Variants in AGAP1 observed in about 807,000 individuals in gnomAD.
The protein encoded by AGAP1 is arf-GAP with GTPase, ANK repeat and PH domain-containing protein 1.
In AGAP1, 29 loss-of-function variants were observed where a neutral mutation model predicts 105.3. That is an observed-to-expected ratio of 0.28 (90% CI 0.21 to 0.38). The LOEUF is 0.38. Ranked by LOEUF, AGAP1 falls within the 10% of genes least tolerant of loss-of-function variation. AGAP1 has a pLI of 1.00. For missense variants in AGAP1, 998 were observed against 1,165.1 expected (o/e 0.86, Z 2.09); for synonymous variants, 509 against 485.9 (o/e 1.05, Z -0.63).
rs1488172715 is a variant in AGAP1 at position 235,586,632 on chromosome 2, C to T, written c.163+91783C>T. 6.6e-6 allele frequency among the ~76,000 whole-genome samples: 1 copy of T among 152,162 alleles called. No homozygotes were observed. Among genetic ancestry groups the T allele is most frequent in the Non-Finnish European group, 1.5e-5 (1 of 68,036 alleles). Reference sequence around the variant, plus strand: ...TGATAATCCACACACTGTCCTGGGCCTTGGTTTTGCAGCATTTCCAACTTG... The same window carrying T: ...TGATAATCCACACACTGTCCTGGGCTTTGGTTTTGCAGCATTTCCAACTTG... On this transcript the variant is annotated intron_variant, in intron 1 of 17. Coordinates refer to ENST00000304032, the MANE Select transcript of AGAP1 (RefSeq NM_001037131.3). This position sits in a 1 kb window ranked among gnomAD's most constrained non-coding sequence, Gnocchi z 4.2.
chr2:235,663,755 GA>G lies in AGAP1; in HGVS notation c.164-45422del, dbSNP rs1553600723. Among the ~76,000 whole-genome samples, 1 of 152,124 alleles carries G rather than the reference GA, an allele frequency of 6.6e-6. No individual in the cohort carries two copies. Among genetic ancestry groups the G allele is most frequent in the Non-Finnish European group, 1.5e-5 (1 of 68,038 alleles). On this transcript the variant is annotated intron_variant, in intron 1 of 17. Coordinates refer to ENST00000304032, the MANE Select transcript of AGAP1 (RefSeq NM_001037131.3). The surrounding 1 kb of genome is among the most constrained non-coding windows in gnomAD (Gnocchi z 5.4). ...TTCCTACTCCAGGAAGCTCTTAGGA[GA>G]ATCCAAATCCGACTTCCCTGTGCTT...
intron 6 of AGAP1, among the ~76,000 whole-genome samples, chr2:235,764,502 C>T (rs1417861416): frequency 6.6e-6 from 1 of 152,220 alleles, no homozygotes; most frequent in Admixed American, 6.5e-5. Flanking sequence ...ATCTGTTATT[C>T]CATGTTTGAA....
rs140131528 is a variant in AGAP1 at position 236,105,718 on chromosome 2, C to T, written c.2115-14474C>T. Among the ~76,000 whole-genome samples, 689 of 150,066 alleles carry T rather than the reference C, an allele frequency of 4.6e-3. 6 individuals are homozygous for T. The highest frequency in any genetic ancestry group is 0.016 in the African/African-American group (646 of 41,026). On this transcript the variant is annotated intron_variant, in intron 16 of 17. Coordinates refer to ENST00000304032, the MANE Select transcript of AGAP1 (RefSeq NM_001037131.3). The surrounding 1 kb of genome is among the most constrained non-coding windows in gnomAD (Gnocchi z 4.2). Reference sequence around the variant, plus strand: ...ACGCCATTCTCCCACCTCAGCCTCCCGAGTAGCTGGGACTACAGGCGCCCG... The same window carrying T: ...ACGCCATTCTCCCACCTCAGCCTCCTGAGTAGCTGGGACTACAGGCGCCCG...
At position 235,966,307 on chromosome 2, in the gene AGAP1, G is replaced by A. The variant is rs1483732990; in HGVS notation, c.1484-2155G>A. Among the ~76,000 whole-genome samples the A allele has an allele frequency of 2.7e-5, 4 of 150,788 alleles. 1 individual carries two copies. The South Asian group carries it at 6.3e-4, about 24-fold the overall frequency. On this transcript the variant is annotated intron_variant, in intron 12 of 17. Transcript: ENST00000304032. Reference sequence around the variant, plus strand: ...GTTCCTCTGGGGATGGAGAAGAGGGGGGCCTGTTCCTCTGGGGATGGAGAG... The same window carrying A: ...GTTCCTCTGGGGATGGAGAAGAGGGAGGCCTGTTCCTCTGGGGATGGAGAG...
At chr2:235,680,810 G>A (rs1949024030) in intron 1 of AGAP1, among the ~76,000 whole-genome samples, 6 of 152,140 alleles carry the variant, frequency 3.9e-5, no homozygotes. Flanking sequence ...AGTGGCTGCG[G>A]GCTCCCAGAG....
intron 1 of AGAP1, among the ~76,000 whole-genome samples, chr2:235,624,404 A>C (rs1357561946): frequency 1.3e-5 from 2 of 152,168 alleles, no homozygotes; most frequent in African/African-American, 2.4e-5. Context: ...CTCTGTGTGC[A>C]TGAGGGGAAG....
intron 6 of AGAP1, among the ~76,000 whole-genome samples, chr2:235,783,695 G>A (rs537260071): frequency 2.6e-4 from 40 of 152,268 alleles, no homozygotes; most frequent in Middle Eastern, 3.4e-3. Context: ...GAAAGAAATC[G>A]GAAGAATGGT....
intron 1 of AGAP1, among the ~76,000 whole-genome samples, chr2:235,572,003 C>CTT (rs374791680): frequency 2.1e-5 from 2 of 93,478 alleles, no homozygotes; most frequent in Non-Finnish European, 4.1e-5. Context: ...CACACACACA[C>CTT]TTTTTTTTTT....
intron 12 of AGAP1, among the ~76,000 whole-genome samples, chr2:235,945,188 T>C (rs1007352608): frequency 1.3e-5 from 2 of 152,136 alleles, no homozygotes; most frequent in African/African-American, 4.8e-5. Flanking sequence ...GCAAGCTCCG[T>C]CTCCCAGGTT....
In AGAP1 at chr2:235,908,954, G is replaced by A; in HGVS notation, c.1324+48G>A. The A allele has an allele frequency of 6.4e-7, 1 of 1,572,616 alleles. No homozygotes were observed. The highest frequency in any genetic ancestry group is 8.7e-7 in the Non-Finnish European group (1 of 1,147,746). The stretch of plus-strand genomic sequence containing the variant: ...AACAAATCAAGTTCAACAGCAACAG[G>A]TGGTCCAGGCTCGAGGATAATGTTG... On this transcript the variant is annotated intron_variant, in intron 11 of 17. Transcript: ENST00000304032. This position sits in a 1 kb window ranked among gnomAD's most constrained non-coding sequence, Gnocchi z 4.4.
chr2:235,587,750 C>T lies in AGAP1; in HGVS notation c.163+92901C>T, dbSNP rs544213224. On this transcript the variant is annotated intron_variant, in intron 1 of 17. Transcript: ENST00000304032. ...AGTCTGGGCAACAAGAGCAAAACTCCGCCTTAAAAAAAAAAAAAGTCACAA... is the reference window on the plus strand; with the variant it reads ...AGTCTGGGCAACAAGAGCAAAACTCTGCCTTAAAAAAAAAAAAAGTCACAA... Among the ~76,000 whole-genome samples the T allele has an allele frequency of 8.6e-4, 104 of 121,440 alleles. 1 individual carries two copies. The highest frequency in any genetic ancestry group is 3.0e-3 in the African/African-American group (83 of 27,902). The allele number at this position is 121,440 out of a possible 152,430, so 79.7% of individuals were successfully genotyped here.
intron 1 of AGAP1, among the ~76,000 whole-genome samples, chr2:235,543,437 G>A (rs572772613): frequency 6.6e-6 from 1 of 152,214 alleles, no homozygotes; most frequent in Non-Finnish European, 1.5e-5. Flanking sequence ...GGGGAGAACT[G>A]CTGGTTTCAG....
At chr2:236,033,911 A>C (rs539135022) in intron 13 of AGAP1, among the ~76,000 whole-genome samples, 2 of 152,232 alleles carry the variant, frequency 1.3e-5, no homozygotes, top group Non-Finnish European at 2.9e-5. Context: ...AGATCCAATA[A>C]ATGCTGATCA....
Position 236,061,210 on chromosome 2 carries a change from G to T in AGAP1, c.2114+11929G>T, listed in dbSNP as rs535687280. Among the ~76,000 whole-genome samples the T allele has an allele frequency of 6.6e-6, 1 of 152,122 alleles. No individual in the cohort carries two copies. The highest frequency in any genetic ancestry group is 1.5e-5 in the Non-Finnish European group (1 of 68,024). ...TGCAGATCACCCTTGAGCCCCCACCGCACGTGCTCTTGGACGGTCGTGGCA... is the reference window on the plus strand; with the variant it reads ...TGCAGATCACCCTTGAGCCCCCACCTCACGTGCTCTTGGACGGTCGTGGCA... On this transcript the variant is annotated intron_variant, in intron 16 of 17. Coordinates refer to ENST00000304032, the MANE Select transcript of AGAP1 (RefSeq NM_001037131.3). The surrounding 1 kb of genome is among the most constrained non-coding windows in gnomAD (Gnocchi z 4.1).
chr2:235,742,725 G>A (rs890437294), intron 4 of AGAP1, among the ~76,000 whole-genome samples: 1 of 152,218 alleles, frequency 6.6e-6, no homozygotes, highest in Non-Finnish European at 1.5e-5. Flanking sequence ...GGAGAAAGAA[G>A]TAGGTAACAT....
chr2:236,031,347 A>G (rs1559208451), intron 13 of AGAP1, among the ~76,000 whole-genome samples: 1 of 152,196 alleles, frequency 6.6e-6, no homozygotes, highest in Non-Finnish European at 1.5e-5. Context: ...CTATAGTTGC[A>G]CAGTGAGAAG....
intron 6 of AGAP1, among the ~76,000 whole-genome samples, chr2:235,796,056 C>G (rs1357588970): frequency 6.6e-6 from 1 of 152,234 alleles, no homozygotes; most frequent in Non-Finnish European, 1.5e-5. Context: ...ATTCTGACAT[C>G]TGCACATTTC....
chr2:235,854,824 G>A (rs965913947), intron 9 of AGAP1, among the ~76,000 whole-genome samples: 48 of 152,316 alleles, frequency 3.2e-4, no homozygotes, highest in African/African-American at 1.1e-3. Context: ...AGGAGTTAAT[G>A]GAGCAAATGA....
At position 235,830,217 on chromosome 2, in the gene AGAP1, C is replaced by T. The variant is rs1959211521; in HGVS notation, c.1050+22886C>T. Among the ~76,000 whole-genome samples, 1 of 152,102 alleles carries T rather than the reference C, an allele frequency of 6.6e-6. No homozygotes were observed. ...GTAGGAGTCGGCTCTGTGTGACTTC[C>T]CCATGACACCAGTGGGCCAGGCTAC... On this transcript the variant is annotated intron_variant, in intron 9 of 17. Transcript: ENST00000304032. The surrounding 1 kb of genome is among the most constrained non-coding windows in gnomAD (Gnocchi z 5.5).
Sources: gnomAD v4.1 joint callset for allele counts (sites outside exome capture counted in the v4.1 genomes callset) on GRCh38, gnomAD v4.1.1 for gene constraint, Gnocchi (gnomAD v3.1) non-coding constraint, MANE v1.5 for transcripts, NCBI Gene and HGNC (gene_info 2026-07-23, HGNC 2026-07-21) for gene names.